Variants in NFAT5 observed in about 807,000 individuals in gnomAD.
NFAT5 encodes nuclear factor of activated T cells 5.
Under a neutral mutation model 166.5 loss-of-function variants are expected in NFAT5, and 31 were observed. The ratio of observed to expected loss-of-function variants is 0.19; its 90% CI spans 0.14 to 0.25. NFAT5 has a LOEUF of 0.25. Ranked by LOEUF, NFAT5 falls within the 10% of genes least tolerant of loss-of-function variation. NFAT5 has a pLI of 1.00. For missense variants in NFAT5, 1,449 were observed against 1,821.8 expected, an observed-to-expected ratio of 0.80 and a Z score of 3.72; for synonymous variants, 612 against 639.7, an observed-to-expected ratio of 0.96 and a Z score of 0.65.
In NFAT5 at chr16:69,704,401, C is replaced by A. The variant is rs1464432140; in HGVS notation, c.*8050C>A. On this transcript the variant is annotated 3_prime_UTR_variant, in exon 15 of 15. Coordinates refer to ENST00000349945, the MANE Select transcript of NFAT5 (RefSeq NM_138713.4). ...CACTGATCAACCACTGAACTGCCTT[C>A]TTCCATTGTCCTGCAATGATATAAG... 1 of 152,600 alleles carries A rather than the reference C, an allele frequency of 6.6e-6. No homozygotes were observed. Among genetic ancestry groups the A allele is most frequent in the Non-Finnish European group, 1.5e-5 (1 of 68,028 alleles). 9.5% of individuals were successfully genotyped at this position (152,600 alleles called of 1,614,324 possible).
Position 69,692,798 on chromosome 16 carries a change from G to A in NFAT5, c.2973G>A (p.Gln991=). 6.2e-7 allele frequency: 1 copy of A among 1,614,168 alleles called. No individual in the cohort carries two copies. Among genetic ancestry groups the A allele is most frequent in the Non-Finnish European group, 8.5e-7 (1 of 1,180,038 alleles). Residue 991 remains glutamine, a synonymous_variant, in exon 13 of 15, where the codon CAG becomes CAA. Transcript: ENST00000349945. Reference sequence around the variant, plus strand: ...AAACTTCTACAACTACCACACAGCAGGTTGCAACCCCTGGCACTACCATGT... The same window carrying A: ...AAACTTCTACAACTACCACACAGCAAGTTGCAACCCCTGGCACTACCATGT... ...GNETSTTTTQ[Q]VATPGTTMFQ... is the part of the protein sequence containing the mutation.
chr16:69,629,939 A>G lies in NFAT5; in HGVS notation c.253+3411A>G, dbSNP rs1165252615. Among the ~76,000 whole-genome samples, 4 of 148,324 alleles carry G rather than the reference A, an allele frequency of 2.7e-5. No homozygotes were observed. The East Asian group carries it at 6.0e-4, about 22-fold the overall frequency. The stretch of plus-strand genomic sequence containing the variant: ...CATATGCCACCACATGGACCTGGGT[A>G]ATTTTTTTTTTTTTTTAAACAGAGT... On this transcript the variant is annotated intron_variant, in intron 3 of 14. Coordinates refer to ENST00000349945, the MANE Select transcript of NFAT5 (RefSeq NM_138713.4).
chr16:69,674,984 GTTAA>G (rs1197758899), intron 9 of NFAT5, among the ~76,000 whole-genome samples: 4 of 152,294 alleles, frequency 2.6e-5, no homozygotes, highest in South Asian at 4.1e-4. Context: ...CTCAGTGATA[GTTAA>G]TTGTTTCTAA....
In NFAT5 at chr16:69,647,793, ATATCT is replaced by A. The variant is rs1221921781; in HGVS notation, c.812+211_812+215del. ...AAATAATCATAGATTCTAGCAATAG[ATATCT>A]TATTATCAGTATAGTTAGGTAGTAG... On this transcript the variant is annotated intron_variant, in intron 4 of 14. Transcript: ENST00000349945. This position sits in a 1 kb window ranked among gnomAD's most constrained non-coding sequence, Gnocchi z 4.8. 5.3e-5 allele frequency among the ~76,000 whole-genome samples: 8 copies of A among 152,146 alleles called. No individual in the cohort carries two copies. The highest frequency in any genetic ancestry group is 7.2e-5 in the African/African-American group (3 of 41,424).
At chr16:69,596,708 ACT>A (rs568560243) in intron 2 of NFAT5, among the ~76,000 whole-genome samples, 220 of 148,746 alleles carry the variant, frequency 1.5e-3, no homozygotes, top group Non-Finnish European at 2.7e-3. Context: ...ACAGAGCAAG[ACT>A]CTATCTTAAA....
rs761974241 is a variant in NFAT5 at position 69,694,286 on chromosome 16, TAGAA to T, written c.4414+48_4414+51del. On this transcript the variant is annotated intron_variant, in intron 13 of 14. Coordinates refer to ENST00000349945, the MANE Select transcript of NFAT5 (RefSeq NM_138713.4). ...TTACTTAATTGGTCATTATTATTAT[TAGAA>T]GGAAGCAGAGTGCAGTGGTGCGATC... 6.2e-6 allele frequency: 9 copies of T among 1,450,006 alleles called. No homozygotes were observed. The African/African-American group carries it at 1.3e-4, about 21-fold the overall frequency. The allele number at this position is 1,450,006 out of a possible 1,614,324, so 89.8% of individuals were successfully genotyped here.
chr16:69,691,027 A>T lies in NFAT5; in HGVS notation c.1862A>T (p.Lys621Met). The T allele has an allele frequency of 6.2e-7, 1 of 1,609,036 alleles. No individual in the cohort carries two copies. Residue 621 changes from lysine to methionine, a missense_variant, in exon 12 of 15, where the codon AAG (lysine) becomes ATG (methionine). Physicochemically the swap from Lys to Met is moderately conservative, Grantham distance 95. This residue lies in a region of NFAT5 where 245 missense variants were observed against 366.6 expected (regional missense o/e 0.67). Transcript: ENST00000349945. ...MTPLIPSSMIKSEDVTPMEVT... is the reference protein window; with the variant it reads ...MTPLIPSSMIMSEDVTPMEVT... ...CCACTCATACCAAGCAGTATGATTA[A>T]GAGTGAAGATGTTACTCCAATGGAA...
chr16:69,651,693 G>A (rs1329782630), intron 4 of NFAT5, among the ~76,000 whole-genome samples: 3 of 141,916 alleles, frequency 2.1e-5, no homozygotes, highest in East Asian at 2.0e-4. Flanking sequence ...TTTTTGAGAC[G>A]GAGTTTTGCT....
chr16:69,633,767 T>C (rs552445478), intron 3 of NFAT5, among the ~76,000 whole-genome samples: 1 of 152,304 alleles, frequency 6.6e-6, no homozygotes, highest in African/African-American at 2.4e-5. Flanking sequence ...TAGTGTTCTA[T>C]ACCACTGTAG....
chr16:69,583,933 A>G (rs2031864926), intron 2 of NFAT5, among the ~76,000 whole-genome samples: 1 of 152,146 alleles, frequency 6.6e-6, no homozygotes, highest in Non-Finnish European at 1.5e-5. Flanking sequence ...CTAGGCCTTT[A>G]AAGAGTTGGG....
At chr16:69,594,222 C>G (rs1253203583) in intron 2 of NFAT5, among the ~76,000 whole-genome samples, 2 of 152,174 alleles carry the variant, frequency 1.3e-5, no homozygotes, top group Non-Finnish European at 2.9e-5. Context: ...GTATAGCCTG[C>G]TACATATCTA....
chr16:69,678,588 C>A (rs1047034874), intron 10 of NFAT5, among the ~76,000 whole-genome samples: 1 of 152,202 alleles, frequency 6.6e-6, no homozygotes, highest in African/African-American at 2.4e-5. Context: ...CATTTAGATG[C>A]CTGAAAAAAG....
chr16:69,659,945 A>G (rs999026199), intron 7 of NFAT5, 46 bp downstream of exon 7: 2 of 1,437,220 alleles, frequency 1.4e-6, no homozygotes, highest in African/African-American at 1.4e-5. Flanking sequence ...AGTTTCTTTC[A>G]TTTTCTGTTA....
In NFAT5 at chr16:69,667,585, C is replaced by T. The variant is rs77242781; in HGVS notation, c.1370-2392C>T. On this transcript the variant is annotated intron_variant, in intron 7 of 14. Transcript: ENST00000349945. ...GATAAATATATTCTAAACCTTGGGG[C>T]CTCATTTGGCTGTCTTATGCCTTTA... is the stretch of plus-strand genomic sequence containing the variant. Among the ~76,000 whole-genome samples, 177 of 151,676 alleles carry T rather than the reference C, an allele frequency of 1.2e-3. 1 individual carries two copies. The East Asian group carries it at 0.03, about 26-fold the overall frequency.
In NFAT5 at chr16:69,693,815, A is replaced by G. The variant is rs1378533009; in HGVS notation, c.3990A>G (p.Gln1330=). Residue 1330 remains glutamine, a synonymous_variant, in exon 13 of 15, where the codon CAA becomes CAG. Transcript: ENST00000349945. ...AGAACCAGTCAATTTTTCACCAACAAAGTAACATGGCCCCAATGAATCAAG... is the reference window on the plus strand; with the variant it reads ...AGAACCAGTCAATTTTTCACCAACAGAGTAACATGGCCCCAATGAATCAAG... ...EQQNQSIFHQ[Q]SNMAPMNQEQ... The G allele has an allele frequency of 2.5e-6, 4 of 1,614,060 alleles. No individual in the cohort carries two copies. The African/African-American group carries it at 5.3e-5, about 22-fold the overall frequency.
At chr16:69,582,539 G>A (rs1476905127) in intron 2 of NFAT5, among the ~76,000 whole-genome samples, 1 of 150,848 alleles carries the variant, frequency 6.6e-6, no homozygotes, top group Non-Finnish European at 1.5e-5. Context: ...TGTATATTGT[G>A]TGAGGTAAGA....
chr16:69,626,646 G>C (rs771080227), intron 3 of NFAT5, 118 bp downstream of exon 3: 2 of 828,272 alleles, frequency 2.4e-6, no homozygotes, highest in Non-Finnish European at 3.3e-6. Context: ...TTTAAAAAGA[G>C]GCATTAAAAT....
intron 6 of NFAT5, among the ~76,000 whole-genome samples, chr16:69,659,231 C>T (rs1417595116): frequency 1.3e-5 from 2 of 151,522 alleles, no homozygotes; most frequent in Non-Finnish European, 2.9e-5. Context: ...CACTTGAGGA[C>T]AGGAGTTCAA....
At chr16:69,584,853 G>A (rs993965882) in intron 2 of NFAT5, among the ~76,000 whole-genome samples, 7 of 151,854 alleles carry the variant, frequency 4.6e-5, no homozygotes, top group African/African-American at 1.7e-4. Context: ...TGAATTGTGT[G>A]CTTTAAGTAG....
Sources: gnomAD v4.1 joint callset for allele counts (sites outside exome capture counted in the v4.1 genomes callset) on GRCh38, gnomAD v4.1.1 for gene constraint, gnomAD v4.1.1 regional missense constraint, Gnocchi (gnomAD v3.1) non-coding constraint, MANE v1.5 for transcripts, NCBI Gene and HGNC (gene_info 2026-07-23, HGNC 2026-07-21) for gene names.